The following CALN1 variants were observed in gnomAD, a reference collection of about 807,000 sequenced individuals.
CALN1 encodes the protein calneuron 1.
CALN1 carries 17 observed loss-of-function variants against 30.6 expected under a neutral mutation model. The observed-to-expected ratio is 0.56, with a 90% CI of 0.38 to 0.83. CALN1 has a LOEUF of 0.83. Among genes scored for constraint, CALN1 ranks in the 40% least tolerant of loss-of-function variants. The pLI, the probability that CALN1 is intolerant of heterozygous loss-of-function variation, is 0.00. For missense variants in CALN1, 291 were observed against 354.9 expected (o/e 0.82, Z 1.45); for synonymous variants, 156 against 131.4 (o/e 1.19, Z -1.28).
chr7:72,458,828 A>G, the CALN1 span, among the ~76,000 whole-genome samples: 2 of 135,014 alleles, frequency 1.5e-5, no homozygotes, highest in African/African-American at 2.7e-5. Flanking sequence ...AATATACAAT[A>G]TAATATTTAA....
At chr7:72,001,976 C>A (rs1799548998) in intron 5 of CALN1, among the ~76,000 whole-genome samples, 1 of 152,032 alleles carries the variant, frequency 6.6e-6, no homozygotes, top group Non-Finnish European at 1.5e-5. Context: ...AAACATCTGA[C>A]AAAATACAAC....
intron 2 of CALN1, among the ~76,000 whole-genome samples, chr7:72,310,123 C>G (rs1799943632): frequency 6.6e-6 from 1 of 151,872 alleles, no homozygotes; most frequent in African/African-American, 2.4e-5. Flanking sequence ...TTCTGCAACC[C>G]TTAAGTCTCT....
rs1374860292 is a variant in CALN1 at position 72,048,713 on chromosome 7, TTTTCCCTCTTC to T, written c.389-24955_389-24945del. On this transcript the variant is annotated intron_variant, in intron 4 of 6. Coordinates refer to ENST00000395275, the MANE Select transcript of CALN1 (RefSeq NM_031468.4). ...TCCCCTTCTTCCTCCCTTCTTTCCT[TTTTCCCTCTTC>T]TTTCCTTCCTTTCTTCTCTGCCTCC... 4.7e-5 allele frequency among the ~76,000 whole-genome samples: 7 copies of T among 150,412 alleles called. No homozygotes were observed. The East Asian group carries it at 1.2e-3, about 25-fold the overall frequency.
intron 2 of CALN1, among the ~76,000 whole-genome samples, chr7:72,288,090 G>T (rs920425002): frequency 1.3e-5 from 2 of 151,810 alleles, no homozygotes; most frequent in African/African-American, 4.8e-5. Context: ...AAGCTGGGTG[G>T]TTCTGGCTCA....
chr7:72,369,176 A>G (rs544257795), intron 2 of CALN1, among the ~76,000 whole-genome samples: 2 of 151,924 alleles, frequency 1.3e-5, no homozygotes, highest in East Asian at 1.9e-4. Context: ...AGGTTCATGT[A>G]AAGTGTACAA....
chr7:72,298,979 G>C (rs1348071705), intron 2 of CALN1, among the ~76,000 whole-genome samples: 2 of 152,012 alleles, frequency 1.3e-5, no homozygotes, highest in Non-Finnish European at 1.5e-5. Context: ...TTTGTAAATT[G>C]TCCAGTCTCT....
intron 3 of CALN1, among the ~76,000 whole-genome samples, chr7:72,211,837 C>A (rs1056941800): frequency 6.6e-6 from 1 of 152,094 alleles, no homozygotes; most frequent in Non-Finnish European, 1.5e-5. Flanking sequence ...CCAGTTTCTA[C>A]ATCTCTCAAA....
At chr7:72,279,946 T>C (rs1797623567) in intron 2 of CALN1, among the ~76,000 whole-genome samples, 1 of 152,126 alleles carries the variant, frequency 6.6e-6, no homozygotes, top group Non-Finnish European at 1.5e-5. Context: ...TCGGAGCTTC[T>C]GGAAAGTGAA....
At chr7:72,401,013 A>C (rs1480929160) in intron 2 of CALN1, among the ~76,000 whole-genome samples, 1 of 152,100 alleles carries the variant, frequency 6.6e-6, no homozygotes, top group Non-Finnish European at 1.5e-5. Context: ...GCGAGGAAAC[A>C]GTGGTGGCTC....
chr7:71,876,426 C>T (rs1792247611), intron 5 of CALN1, among the ~76,000 whole-genome samples: 1 of 148,560 alleles, frequency 6.7e-6, no homozygotes, highest in Non-Finnish European at 1.5e-5. Flanking sequence ...CAGAAGCTGC[C>T]ACCAAGCTTT....
intron 3 of CALN1, among the ~76,000 whole-genome samples, chr7:72,129,141 A>G (rs572206929): frequency 6.6e-6 from 1 of 152,354 alleles, no homozygotes; most frequent in East Asian, 1.9e-4. Context: ...CCAACTCATA[A>G]TCAGAGAAAT....
At chr7:72,185,975 C>A (rs1258783569) in intron 3 of CALN1, among the ~76,000 whole-genome samples, 2 of 152,096 alleles carry the variant, frequency 1.3e-5, no homozygotes. Context: ...CAAACTAATG[C>A]AGAGGGATTA....
chr7:72,139,207 T>C (rs1001533044), intron 3 of CALN1, among the ~76,000 whole-genome samples: 7 of 152,216 alleles, frequency 4.6e-5, no homozygotes, highest in Non-Finnish European at 8.8e-5. Context: ...ATCCCCTCTT[T>C]GATGTCCCAG....
At chr7:72,274,181 T>C (rs1242445792) in intron 3 of CALN1, among the ~76,000 whole-genome samples, 3 of 152,168 alleles carry the variant, frequency 2.0e-5, no homozygotes, top group East Asian at 3.9e-4. Flanking sequence ...AGAGGTAAAC[T>C]TCAGATGGAG....
chr7:72,150,872 T>TGATG (rs1554456496), intron 3 of CALN1, among the ~76,000 whole-genome samples: 2 of 150,424 alleles, frequency 1.3e-5, no homozygotes, highest in Non-Finnish European at 3.0e-5. Flanking sequence ...GCTGTGATGA[T>TGATG]ATGATGATGA....
At chr7:71,843,628 A>T (rs901860788) in intron 5 of CALN1, among the ~76,000 whole-genome samples, 1 of 151,990 alleles carries the variant, frequency 6.6e-6, no homozygotes, top group Non-Finnish European at 1.5e-5. Flanking sequence ...GTCTCTAAAA[A>T]ACAAACAAAC....
chr7:72,389,538 TAA>T (rs1255796661), intron 2 of CALN1, among the ~76,000 whole-genome samples: 1 of 152,238 alleles, frequency 6.6e-6, no homozygotes, highest in African/African-American at 2.4e-5. Flanking sequence ...AGCATGGTTT[TAA>T]AGTGTAACGT....
intron 4 of CALN1, among the ~76,000 whole-genome samples, chr7:72,080,718 C>T (rs1805078218): frequency 6.6e-6 from 1 of 152,106 alleles, no homozygotes; most frequent in Admixed American, 6.6e-5. Flanking sequence ...CAGGAAGGCA[C>T]CACGCACCCT....
the CALN1 span, among the ~76,000 whole-genome samples, chr7:72,501,217 A>C: frequency 1.3e-5 from 2 of 151,810 alleles, no homozygotes; most frequent in African/African-American, 4.8e-5. Flanking sequence ...GAGTGGCTTC[A>C]GAGTAGCTAG....
Sources: allele counts gnomAD v4.1 joint callset (sites outside exome capture counted in the v4.1 genomes callset), GRCh38; gene constraint gnomAD v4.1.1; transcripts MANE v1.5; gene names NCBI Gene and HGNC (gene_info 2026-07-23, HGNC 2026-07-21).